TP53BP1: variants seen among roughly 807,000 people sequenced by gnomAD.
TP53BP1 encodes the protein TP53-binding protein 1.
In TP53BP1, 61 loss-of-function variants were observed where a neutral mutation model predicts 200.8. That is an observed-to-expected ratio of 0.30 (90% CI 0.25 to 0.38). The LOEUF is 0.38. TP53BP1 is among the 10% of genes least tolerant of loss of function. The pLI is 1.00. For synonymous variants in TP53BP1, 822 were observed against 844.3 expected (o/e 0.97, Z 0.46); for missense variants, 2,144 against 2,371.9 (o/e 0.90, Z 2.00).
At chr15:43,443,228 A>G (rs556709171) in intron 14 of TP53BP1, among the ~76,000 whole-genome samples, 6 of 152,286 alleles carry the variant, frequency 3.9e-5, no homozygotes, top group African/African-American at 1.4e-4. Flanking sequence ...TTAAAAACCA[A>G]AAACTTTTTA....
At chr15:43,411,910 CA>C (rs2045126681) in intron 24 of TP53BP1, among the ~76,000 whole-genome samples, 1 of 151,970 alleles carries the variant, frequency 6.6e-6, no homozygotes, top group South Asian at 2.1e-4. Context: ...TCAAGTCCAG[CA>C]ATATTGTAAA....
intron 10 of TP53BP1, among the ~76,000 whole-genome samples, chr15:43,470,488 G>A (rs1488613164): frequency 2.6e-5 from 4 of 152,136 alleles, no homozygotes; most frequent in African/African-American, 9.7e-5. Flanking sequence ...GGTAAATACA[G>A]TATCTATAAT....
At position 43,406,804 on chromosome 15, in the gene TP53BP1, C is replaced by CTTA. The variant is rs2044907811; in HGVS notation, c.*576_*578dup. The CTTA allele has an allele frequency of 2.9e-6, 1 of 349,660 alleles. No homozygotes were observed. Among genetic ancestry groups the CTTA allele is most frequent in the African/African-American group, 2.1e-5 (1 of 46,612 alleles). 21.7% of individuals were successfully genotyped at this position (349,660 alleles called of 1,614,324 possible). ...TCTTACGGAAGGTCATTCCATCAAG[C>CTTA]TTATGGTCACTGTCCCTTCATGGCA... On this transcript the variant is annotated 3_prime_UTR_variant, in exon 28 of 28. Transcript: ENST00000382044.
intron 12 of TP53BP1, among the ~76,000 whole-genome samples, chr15:43,454,795 G>C (rs1433060579): frequency 6.6e-6 from 1 of 151,376 alleles, no homozygotes; most frequent in African/African-American, 2.4e-5. Context: ...GCAGTGGCGT[G>C]ATCTTGGCTC....
At chr15:43,459,930 T>C (rs2046390708) in intron 11 of TP53BP1, among the ~76,000 whole-genome samples, 1 of 152,172 alleles carries the variant, frequency 6.6e-6, no homozygotes, top group Non-Finnish European at 1.5e-5. Context: ...TGATGTGTGA[T>C]TGCCTAGGGC....
intron 1 of TP53BP1, among the ~76,000 whole-genome samples, chr15:43,498,205 A>C (rs1196974922): frequency 6.6e-6 from 1 of 152,204 alleles, no homozygotes; most frequent in Non-Finnish European, 1.5e-5. Flanking sequence ...AATATCATTA[A>C]TGCTAAAACT....
chr15:43,409,718 T>C lies in TP53BP1; in HGVS notation c.5329A>G (p.Asn1777Asp). 6.4e-7 allele frequency: 1 copy of C among 1,558,784 alleles called. No individual in the cohort carries two copies. Among genetic ancestry groups the C allele is most frequent in the Non-Finnish European group, 8.7e-7 (1 of 1,154,650 alleles). ...EEEFLEIPPF[N>D]KQYTESQLRA... ...AGCTGGGATTCTGTATACTGCTTGT[T>C]GAAAGGAGGAATTTCCAAAAATTCT... Residue 1777 changes from asparagine (N) to aspartate (D), a missense_variant, in exon 25 of 28, where the codon AAC becomes GAC. This residue lies in a region of TP53BP1 where 334 missense variants were observed against 453.4 expected (regional missense o/e 0.74). Coordinates refer to ENST00000382044, the MANE Select transcript of TP53BP1 (RefSeq NM_001141980.3).
chr15:43,488,287 G>T (rs1416933157), intron 4 of TP53BP1, among the ~76,000 whole-genome samples: 1 of 151,394 alleles, frequency 6.6e-6, no homozygotes, highest in African/African-American at 2.4e-5. Context: ...AACAGAGTGA[G>T]GCCCTGTCTC....
At chr15:43,457,671 C>CAAAAAA (rs56866996) in intron 11 of TP53BP1, among the ~76,000 whole-genome samples, 9 of 19,114 alleles carry the variant, frequency 4.7e-4, no homozygotes, top group Non-Finnish European at 8.6e-4. Context: ...GACTCCATCT[C>CAAAAAA]AAAAAAAAAA....
rs770414406 is a variant in TP53BP1, at chr15:43,492,455, G to T, written c.21C>A (p.Asp7Glu). 3.1e-6 allele frequency: 5 copies of T among 1,613,170 alleles called. No homozygotes were observed. The South Asian group carries it at 5.5e-5, about 18-fold the overall frequency. ...CTGAATCCAACTGACTTCCAGTAGG[G>T]TCCATCTGCTCCCCTGGAATGGAAT... is the stretch of plus-strand genomic sequence containing the variant. MPGEQM[D>E]PTGSQLDSDF... The change falls in exon 2 of 28, where the codon GAC becomes GAA. Residue 7 changes from aspartate to glutamate, a missense_variant. By Grantham distance (45) the Asp-to-Glu change is conservative (BLOSUM62 2). Coordinates refer to ENST00000382044, the MANE Select transcript of TP53BP1 (RefSeq NM_001141980.3).
rs747925250 is a variant in TP53BP1 at position 43,469,862 on chromosome 15, G to A, written c.1385C>T (p.Ser462Phe). ...AACTCTTTTTACAATACTCACATGA[G>A]AAAACTGAGGCTGGGATGGGATAGG... ...SLPIPSQPQF[S>F]HDIFIPSPSL... The change falls in exon 11 of 28, where the codon TCT (serine) becomes TTT (phenylalanine). Residue 462 changes from serine (S) to phenylalanine (F), a missense_variant. Coordinates refer to ENST00000382044, the MANE Select transcript of TP53BP1 (RefSeq NM_001141980.3). The A allele has an allele frequency of 6.2e-7, 1 of 1,612,380 alleles. No individual in the cohort carries two copies. The highest frequency in any genetic ancestry group is 1.3e-5 in the African/African-American group (1 of 74,864).
chr15:43,475,991 G>A (rs967166319), intron 8 of TP53BP1, among the ~76,000 whole-genome samples: 12 of 152,124 alleles, frequency 7.9e-5, no homozygotes, highest in African/African-American at 2.2e-4. Context: ...CTGGATGGGC[G>A]CAGTGGCTCA....
intron 4 of TP53BP1, among the ~76,000 whole-genome samples, chr15:43,488,076 A>T (rs1424154414): frequency 2.0e-5 from 3 of 152,150 alleles, no homozygotes; most frequent in Non-Finnish European, 4.4e-5. Flanking sequence ...AGACAGGAGG[A>T]TTGCTTGAGC....
Position 43,403,619 on chromosome 15 carries a change from AAC to A in TP53BP1, c.*3762_*3763del. ...CAGCTATTAATCAGACTGTTCTCCT[AAC>A]ACTTTAACTTCATGGATGTACCTTC... is the stretch of plus-strand genomic sequence containing the variant. On this transcript the variant is annotated 3_prime_UTR_variant, in exon 28 of 28. Coordinates refer to ENST00000382044, the MANE Select transcript of TP53BP1 (RefSeq NM_001141980.3). 1 of 1,216,214 alleles carries A rather than the reference AAC, an allele frequency of 8.2e-7. No individual in the cohort carries two copies. Among genetic ancestry groups the A allele is most frequent in the Non-Finnish European group, 1.2e-6 (1 of 831,842 alleles). The allele number at this position is 1,216,214 out of a possible 1,614,324, so 75.3% of individuals were successfully genotyped here. A position where few individuals can be genotyped will look rare whatever the true frequency, so the allele number is the denominator to read the frequency against.
intron 1 of TP53BP1, 110 bp downstream of exon 1, chr15:43,492,927 C>G (rs139247692): frequency 1.4e-6 from 2 of 1,409,080 alleles, no homozygotes; most frequent in South Asian, 1.2e-5. Context: ...ACCCCTTCCC[C>G]GTCACCGCCG....
At position 43,477,682 on chromosome 15, in the gene TP53BP1, A is replaced by G; in HGVS notation, c.866T>C (p.Leu289Pro). 4 of 1,613,906 alleles carry G rather than the reference A, an allele frequency of 2.5e-6. No individual in the cohort carries two copies. Among genetic ancestry groups the G allele is most frequent in the Non-Finnish European group, 3.4e-6 (4 of 1,179,902 alleles). The change falls in exon 8 of 28, where the codon CTT becomes CCT. Residue 289 changes from leucine to proline, a missense_variant. By Grantham distance (98) the Leu-to-Pro change is moderately conservative (BLOSUM62 -3). Transcript: ENST00000382044. The part of the protein sequence containing the change: ...EAKEQLSAQE[L>P]MESGLQIQKS... Reference sequence around the variant, plus strand: ...CTGAATCTGCAGTCCACTTTCCATAAGTTCTTGTGCAGACAACTGTTCTTT... The same window carrying G: ...CTGAATCTGCAGTCCACTTTCCATAGGTTCTTGTGCAGACAACTGTTCTTT...
At chr15:43,481,458 A>AACAC (rs1244632530) in intron 4 of TP53BP1, among the ~76,000 whole-genome samples, 2 of 65,286 alleles carry the variant, frequency 3.1e-5, no homozygotes, top group African/African-American at 7.1e-5. Flanking sequence ...TATGTATATA[A>AACAC]ATACACACAC....
Position 43,477,589 on chromosome 15 carries a change from G to A in TP53BP1, c.955+4C>T. ...GAGCTGTAACGACAAATCACTCTTG[G>A]TACCTGTTTTATTGCTCTGGTCAAA... On this transcript the variant is annotated splice_donor_region_variant and intron_variant, in intron 8 of 27. Transcript: ENST00000382044. The A allele has an allele frequency of 1.2e-6, 2 of 1,605,274 alleles. No homozygotes were observed. Among genetic ancestry groups the A allele is most frequent in the South Asian group, 1.1e-5 (1 of 89,344 alleles).
intron 23 of TP53BP1, 130 bp from the exon 24 acceptor site, chr15:43,413,464 C>G (rs1344537828): frequency 1.0e-5 from 7 of 703,446 alleles, no homozygotes; most frequent in Non-Finnish European, 1.6e-5. Context: ...CTTATCTGAG[C>G]CAGAAACCAA....
Sources: gnomAD v4.1 joint callset for allele counts (sites outside exome capture counted in the v4.1 genomes callset) on GRCh38, gnomAD v4.1.1 for gene constraint, gnomAD v4.1.1 regional missense constraint, MANE v1.5 for transcripts, NCBI Gene and HGNC (gene_info 2026-07-23, HGNC 2026-07-21) for gene names.